Variants in SRPK2 observed in about 807,000 individuals in gnomAD.
SRPK2 encodes the protein SFRS protein kinase 2.
A neutral mutation model predicts 90.8 loss-of-function variants in SRPK2; 21 were observed. That is an observed-to-expected ratio of 0.23 (90% CI 0.16 to 0.33). The LOEUF is 0.33. SRPK2 is among the 10% of genes least tolerant of loss of function. SRPK2 has a pLI of 1.00. For synonymous variants in SRPK2, 288 were observed against 311.1 expected, an observed-to-expected ratio of 0.93 and a Z score of 0.78; for missense variants, 620 against 869.0, an observed-to-expected ratio of 0.71 and a Z score of 3.60.
intron 2 of SRPK2, among the ~76,000 whole-genome samples, chr7:105,298,996 C>T (rs1169173852): frequency 6.6e-6 from 1 of 152,202 alleles, no homozygotes; most frequent in African/African-American, 2.4e-5. Context: ...CTACGTTCCA[C>T]CAGCCCCAGA....
intron 2 of SRPK2, among the ~76,000 whole-genome samples, chr7:105,349,192 G>C (rs1816851458): frequency 6.7e-6 from 1 of 149,386 alleles, no homozygotes; most frequent in African/African-American, 2.5e-5. Context: ...AGGGGATGGA[G>C]GGGAGGAAGA....
intron 11 of SRPK2, among the ~76,000 whole-genome samples, chr7:105,135,353 C>T (rs541751177): frequency 2.6e-5 from 4 of 152,240 alleles, no homozygotes; most frequent in African/African-American, 7.2e-5. Context: ...GGGCGCCTGG[C>T]CAGACGCAGG....
Position 105,143,136 on chromosome 7 carries a change from T to C in SRPK2, c.1008A>G (p.Leu336=). 2 of 1,614,182 alleles carry C rather than the reference T, an allele frequency of 1.2e-6. No individual in the cohort carries two copies. Among genetic ancestry groups the C allele is most frequent in the Non-Finnish European group, 1.7e-6 (2 of 1,180,022 alleles). ...CCGCCTCCTCTAATCCTGTTGTTTTTAGTTTCACCTCTGGGCAGTATTCGC... is the reference window on the plus strand; with the variant it reads ...CCGCCTCCTCTAATCCTGTTGTTTTCAGTTTCACCTCTGGGCAGTATTCGC... The part of the protein sequence containing the change: ...QDGEYCPEVK[L]KTTGLEEAAE... The change falls in exon 10 of 16, where the codon CTA becomes CTG. Residue 336 remains leucine, a synonymous_variant. Transcript: ENST00000393651.
In SRPK2 at chr7:105,371,525, G is replaced by A. The variant is rs149412567; in HGVS notation, c.71+17123C>T. On this transcript the variant is annotated intron_variant, in intron 2 of 15. Transcript: ENST00000393651. ...CCAGCACTCTGGGAGGTTAGGGTGG[G>A]AAGATCACATGAGACCAGGAGTTTG... is the stretch of plus-strand genomic sequence containing the variant. 4.9e-3 allele frequency among the ~76,000 whole-genome samples: 685 copies of A among 138,770 alleles called. 10 individuals are homozygous for A. The East Asian group carries it at 0.057, about 12-fold the overall frequency. 91.0% of individuals were successfully genotyped at this position (138,770 alleles called of 152,430 possible).
At chr7:105,203,009 G>A (rs1285894114) in intron 3 of SRPK2, among the ~76,000 whole-genome samples, 1 of 152,016 alleles carries the variant, frequency 6.6e-6, no homozygotes, top group Non-Finnish European at 1.5e-5. Flanking sequence ...ATTTTTTGGA[G>A]GCAGGATCTG....
intron 2 of SRPK2, among the ~76,000 whole-genome samples, chr7:105,373,377 CAAA>C (rs34073549): frequency 7.3e-6 from 1 of 137,164 alleles, no homozygotes. Context: ...TACTTTGCCA[CAAA>C]AAAAAAAAAT....
At chr7:105,164,775 T>C (rs1426566066) in intron 6 of SRPK2, among the ~76,000 whole-genome samples, 1 of 152,196 alleles carries the variant, frequency 6.6e-6, no homozygotes, top group Admixed American at 6.5e-5. Context: ...CTGGATGTCA[T>C]TTTGGAGTTT....
At chr7:105,293,508 C>G (rs1219628400) in intron 2 of SRPK2, among the ~76,000 whole-genome samples, 1 of 151,800 alleles carries the variant, frequency 6.6e-6, no homozygotes, top group Non-Finnish European at 1.5e-5. Flanking sequence ...CCCCACCCCG[C>G]CCCGGGTTTC....
At chr7:105,245,073 A>ACACACACACC (rs1451267912) in intron 2 of SRPK2, 6 of 592,630 alleles carry the variant, frequency 1.0e-5, no homozygotes, top group South Asian at 1.8e-5. Flanking sequence ...ACACACACAC[A>ACACACACACC]CCTCTTTTTC....
intron 2 of SRPK2, among the ~76,000 whole-genome samples, chr7:105,350,525 T>C (rs1251552667): frequency 5.7e-5 from 6 of 105,194 alleles, no homozygotes; most frequent in Non-Finnish European, 1.1e-4. Flanking sequence ...CTACAATTTT[T>C]TTTCTTTTTT....
intron 2 of SRPK2, among the ~76,000 whole-genome samples, chr7:105,313,039 T>C (rs980059977): frequency 5.3e-5 from 8 of 152,268 alleles, no homozygotes; most frequent in South Asian, 2.1e-4. Flanking sequence ...TTAATGAATG[T>C]AGGCAATGGT....
chr7:105,163,948 A>C (rs751591190), intron 6 of SRPK2, among the ~76,000 whole-genome samples: 1 of 152,228 alleles, frequency 6.6e-6, no homozygotes, highest in African/African-American at 2.4e-5. Context: ...TTTCCACTCA[A>C]TGGGTGCCAA....
intron 2 of SRPK2, among the ~76,000 whole-genome samples, chr7:105,342,473 C>T (rs1815943689): frequency 6.6e-6 from 1 of 152,050 alleles, no homozygotes; most frequent in East Asian, 1.9e-4. Flanking sequence ...AAGCCTACAA[C>T]ATCAAATATA....
intron 2 of SRPK2, among the ~76,000 whole-genome samples, chr7:105,217,359 G>A (rs545065760): frequency 3.3e-5 from 5 of 152,270 alleles, no homozygotes; most frequent in East Asian, 3.9e-4. Flanking sequence ...CTAATTAAGC[G>A]GAATAGAAAT....
rs114261648 is a variant in SRPK2 at position 105,396,925 on chromosome 7, A to G, written n.153+2231T>C. Among the ~76,000 whole-genome samples, 569 of 152,266 alleles carry G rather than the reference A, an allele frequency of 3.7e-3. 3 individuals carry two copies. The highest frequency in any genetic ancestry group is 0.013 in the African/African-American group (535 of 41,570). On this transcript the variant is annotated intron_variant and non_coding_transcript_variant, in intron 1 of 3. Transcript: ENST00000462282. ...ACAAACCTAGTCTCTGTTGACTTTG[A>G]AATTAAGTATTTCTTCAGAAATGCA...
intron 2 of SRPK2, among the ~76,000 whole-genome samples, chr7:105,246,581 G>A (rs1454836000): frequency 1.3e-5 from 2 of 152,188 alleles, no homozygotes; most frequent in Non-Finnish European, 2.9e-5. Context: ...CAGATGAGAA[G>A]AGCAACAGAC....
intron 2 of SRPK2, among the ~76,000 whole-genome samples, chr7:105,331,669 G>A (rs1814427136): frequency 6.6e-6 from 1 of 152,104 alleles, no homozygotes; most frequent in Non-Finnish European, 1.5e-5. Flanking sequence ...AAGCACATAT[G>A]AGCCCTCACC....
At chr7:105,384,093 G>A (rs1475290140) in intron 2 of SRPK2, among the ~76,000 whole-genome samples, 2 of 152,012 alleles carry the variant, frequency 1.3e-5, no homozygotes, top group African/African-American at 4.8e-5. Context: ...ACTTTAAAAG[G>A]TAAATTTTAT....
intron 2 of SRPK2, among the ~76,000 whole-genome samples, chr7:105,344,340 T>A (rs1212186062): frequency 6.7e-6 from 1 of 149,900 alleles, no homozygotes; most frequent in Non-Finnish European, 1.5e-5. Flanking sequence ...CTTGAACTCC[T>A]GGGCTCAAGT....
Sources: allele counts gnomAD v4.1 joint callset (sites outside exome capture counted in the v4.1 genomes callset), GRCh38; gene constraint gnomAD v4.1.1; transcripts MANE v1.5; gene names NCBI Gene and HGNC (gene_info 2026-07-23, HGNC 2026-07-21).